SYTL2: variants seen among roughly 807,000 people sequenced by gnomAD.
The protein encoded by SYTL2 is synaptotagmin like 2.
Under a neutral mutation model 198.7 loss-of-function variants are expected in SYTL2, and 165 were observed. The observed-to-expected ratio is 0.83, with a 90% CI of 0.73 to 0.94. SYTL2 has a LOEUF of 0.94. SYTL2 is among the 40% of genes least tolerant of loss of function. The pLI is 0.00. For missense variants in SYTL2, 2,835 were observed against 2,582.8 expected (o/e 1.10, Z -2.12); for synonymous variants, 966 against 917.7 (o/e 1.05, Z -0.95).
Position 85,700,578 on chromosome 11 carries a change from G to C in SYTL2, c.6205C>G (p.Leu2069Val), listed in dbSNP as rs1053082231. 3.1e-6 allele frequency: 5 copies of C among 1,613,848 alleles called. No individual in the cohort carries two copies. Among genetic ancestry groups the C allele is most frequent in the East Asian group, 2.2e-5 (1 of 44,884 alleles). The change falls in exon 17 of 20, where the codon CTT (leucine) becomes GTT (valine). Residue 2069 changes from leucine (L) to valine (V), a missense_variant. By Grantham distance (32) the Leu-to-Val change is conservative (BLOSUM62 1). This residue lies in a region of SYTL2 where 2,645 missense variants were observed against 2,381.7 expected (regional missense o/e 1.11). Transcript: ENST00000359152. Reference protein sequence around the residue: ...PLKRKTAPVALEAENRGEMKL... With the variant: ...PLKRKTAPVAVEAENRGEMKL... ...ATTTCACCTCTGTTTTCTGCTTCAA[G>C]GGCAACTGGTGCTGTCTGAAAAGTG... is the stretch of plus-strand genomic sequence containing the variant.
chr11:85,714,187 T>G (rs2153433815), intron 12 of SYTL2, among the ~76,000 whole-genome samples: 1 of 152,374 alleles, frequency 6.6e-6, no homozygotes, highest in East Asian at 1.9e-4. Flanking sequence ...CCCAAATCTA[T>G]GCAATTTGAC....
intron 7 of SYTL2, among the ~76,000 whole-genome samples, chr11:85,733,380 T>C (rs2089996379): frequency 6.6e-6 from 1 of 152,162 alleles, no homozygotes; most frequent in Non-Finnish European, 1.5e-5. Context: ...TATGGTTATA[T>C]ATATTTTAGG....
chr11:85,755,674 G>T (rs1184493599), intron 2 of SYTL2, among the ~76,000 whole-genome samples: 1 of 152,154 alleles, frequency 6.6e-6, no homozygotes, highest in African/African-American at 2.4e-5. Flanking sequence ...ATCAACCAAT[G>T]CAAGTGCCCA....
chr11:85,806,253 T>C (rs1247791613), intron 1 of SYTL2, among the ~76,000 whole-genome samples: 1 of 152,206 alleles, frequency 6.6e-6, no homozygotes, highest in African/African-American at 2.4e-5. Flanking sequence ...TCCATCCTAT[T>C]CCAATCATAG....
In SYTL2 at chr11:85,711,054, T is replaced by C. The variant is rs901674977; in HGVS notation, c.5745+59A>G. 1.4e-4 allele frequency: 221 copies of C among 1,583,430 alleles called. 1 individual carries two copies. The highest frequency in any genetic ancestry group is 1.2e-3 in the South Asian group (104 of 87,136). ...GGCTGTTTTACAATGAGCATGAGCA[T>C]GTCAGAGCAAGGTTCAGAGACGCGG... On this transcript the variant is annotated intron_variant, in intron 13 of 19. Transcript: ENST00000359152.
At chr11:85,797,544 T>A (rs998384571) in intron 1 of SYTL2, among the ~76,000 whole-genome samples, 1 of 151,448 alleles carries the variant, frequency 6.6e-6, no homozygotes, top group Non-Finnish European at 1.5e-5. Context: ...ACAAGAATCA[T>A]TTGAACCTAG....
chr11:85,789,344 A>ATATATATATATATATG (rs2092689198), intron 1 of SYTL2, among the ~76,000 whole-genome samples: 1 of 18,662 alleles, frequency 5.4e-5, no homozygotes, highest in Admixed American at 7.5e-4. Flanking sequence ...GTGTGTGTAT[A>ATATATATATATATATG]TATATATATA....
At chr11:85,720,034 T>C (rs948947553) in intron 9 of SYTL2, among the ~76,000 whole-genome samples, 1 of 152,170 alleles carries the variant, frequency 6.6e-6, no homozygotes, top group Non-Finnish European at 1.5e-5. Flanking sequence ...GAAATCATGG[T>C]TTCTTAGTCC....
intron 16 of SYTL2, among the ~76,000 whole-genome samples, chr11:85,703,712 T>C (rs1362747899): frequency 6.6e-6 from 1 of 152,132 alleles, no homozygotes; most frequent in African/African-American, 2.4e-5. Flanking sequence ...TCTAAATTAA[T>C]AGACCGTATA....
At chr11:85,802,340 G>A (rs1255997674) in intron 1 of SYTL2, among the ~76,000 whole-genome samples, 3 of 149,348 alleles carry the variant, frequency 2.0e-5, no homozygotes. Context: ...TCCTGCCTCA[G>A]CCTCCCAAGT....
At chr11:85,818,844 C>T in the SYTL2 span, among the ~76,000 whole-genome samples, 11 of 152,012 alleles carry the variant, frequency 7.2e-5, no homozygotes, top group African/African-American at 2.4e-4. Flanking sequence ...GCATGCACCA[C>T]CATACCCAGC....
At chr11:85,747,382 GC>G in intron 3 of SYTL2, among the ~76,000 whole-genome samples, 1 of 152,182 alleles carries the variant, frequency 6.6e-6, no homozygotes, top group Non-Finnish European at 1.5e-5. Flanking sequence ...CATGCTACAA[GC>G]CCATCTGGGG....
At chr11:85,767,844 T>C (rs963064555) in intron 1 of SYTL2, among the ~76,000 whole-genome samples, 1 of 152,146 alleles carries the variant, frequency 6.6e-6, no homozygotes, top group East Asian at 1.9e-4. Flanking sequence ...CAGCCAGAAT[T>C]AAAACAATTT....
chr11:85,752,274 T>G (rs916507721), intron 2 of SYTL2, among the ~76,000 whole-genome samples: 4 of 152,286 alleles, frequency 2.6e-5, no homozygotes, highest in East Asian at 1.9e-4. Context: ...GATTTGGAGG[T>G]GCTCTCAGAT....
chr11:85,707,055 G>A (rs542233661), intron 15 of SYTL2, among the ~76,000 whole-genome samples: 1 of 152,264 alleles, frequency 6.6e-6, no homozygotes, highest in East Asian at 1.9e-4. Flanking sequence ...GGCCAGACTG[G>A]TCTTGAACTC....
chr11:85,697,903 A>C, intron 18 of SYTL2, 76 bp downstream of exon 18: 3 of 860,260 alleles, frequency 3.5e-6, no homozygotes, highest in Non-Finnish European at 5.8e-6. Context: ...TCAGTATTAC[A>C]GATATAGAGA....
At chr11:85,819,583 T>A in the SYTL2 span, among the ~76,000 whole-genome samples, 2 of 152,234 alleles carry the variant, frequency 1.3e-5, no homozygotes, top group Admixed American at 1.3e-4. Flanking sequence ...CAAGCCTCAA[T>A]GTGCAAGTGT....
the SYTL2 span, among the ~76,000 whole-genome samples, chr11:85,824,372 T>C: frequency 1.2e-4 from 18 of 152,050 alleles, no homozygotes; most frequent in Non-Finnish European, 2.4e-4. Context: ...GGAGGCATCA[T>C]TCAAAATGAC....
intron 17 of SYTL2, 141 bp from the exon 18 acceptor site, chr11:85,698,219 T>C (rs1021416454): frequency 4.9e-5 from 30 of 614,696 alleles, no homozygotes; most frequent in Non-Finnish European, 6.9e-5. Flanking sequence ...ATTAAATCTA[T>C]ACAGTCTTAA....
Sources: allele counts gnomAD v4.1 joint callset (sites outside exome capture counted in the v4.1 genomes callset), GRCh38; gene constraint gnomAD v4.1.1; regional missense constraint gnomAD v4.1.1; transcripts MANE v1.5; gene names NCBI Gene and HGNC (gene_info 2026-07-23, HGNC 2026-07-21).